Variants in ZNF487 observed in about 807,000 individuals in gnomAD.
The protein encoded by ZNF487 is KRAB domain only 1.
A neutral mutation model predicts 3.0 loss-of-function variants in ZNF487; 4 were observed. The observed-to-expected ratio is 1.35, with a 90% CI of 0.66 to 3.08. The LOEUF (loss-of-function observed/expected upper bound fraction) is 3.08, where lower values mean the gene tolerates loss of function less well. Among genes scored for constraint, ZNF487 ranks in the 30% most tolerant of loss-of-function variants. The pLI is 0.01. For synonymous variants in ZNF487, 55 were observed against 34.6 expected, an observed-to-expected ratio of 1.59 and a Z score of -2.06; for missense variants, 146 against 98.7, an observed-to-expected ratio of 1.48 and a Z score of -2.03.
rs546605168 is a variant in ZNF487 at position 43,447,877 on chromosome 10, A to G, written c.-94+10615A>G. Among the ~76,000 whole-genome samples, 3 of 151,854 alleles carry G rather than the reference A, an allele frequency of 2.0e-5. No individual in the cohort carries two copies. The East Asian group carries it at 5.8e-4, about 29-fold the overall frequency. On this transcript the variant is annotated intron_variant, in intron 1 of 3. Transcript: ENST00000437590. ...GTTATTTTTCCTTGTAGCACATTCTACAAACTACTCAAGTCAGTTAGCTGG... is the reference window on the plus strand; with the variant it reads ...GTTATTTTTCCTTGTAGCACATTCTGCAAACTACTCAAGTCAGTTAGCTGG...
At chr10:43,463,720 T>TTC (rs1564420963) in intron 1 of ZNF487, among the ~76,000 whole-genome samples, 2 of 148,606 alleles carry the variant, frequency 1.3e-5, no homozygotes, top group African/African-American at 4.9e-5. Flanking sequence ...TTCTTTTTTT[T>TTC]TTTTTTTTAG....
chr10:43,496,132 C>T, the ZNF487 span: 1 of 528,782 alleles, frequency 1.9e-6, no homozygotes, highest in Non-Finnish European at 3.9e-6. Context: ...ACAGCCTCCT[C>T]ATCTCAGTGG....
Position 43,440,745 on chromosome 10 carries a change from CCTAGGGTAACCA to C in ZNF487, c.-94+3486_-94+3497del, listed in dbSNP as rs1204390449. On this transcript the variant is annotated intron_variant, in intron 1 of 3. Transcript: ENST00000437590. The stretch of plus-strand genomic sequence containing the variant: ...TCCGCCTCATGGCTCCCTCCTTTGC[CCTAGGGTAACCA>C]CTGTCTTCAACTTTATGCTTGTCAC... Among the ~76,000 whole-genome samples the C allele has an allele frequency of 8.6e-5, 13 of 151,798 alleles. No homozygotes were observed. In the South Asian group the frequency reaches 2.7e-3, roughly 32 times the overall value.
At chr10:43,504,725 T>TG in the ZNF487 span, among the ~76,000 whole-genome samples, 3 of 151,462 alleles carry the variant, frequency 2.0e-5, no homozygotes, top group South Asian at 2.1e-4. Context: ...TTGTTGTTGT[T>TG]TTTTTTTTGG....
At chr10:43,518,850 T>A in the ZNF487 span, among the ~76,000 whole-genome samples, 1 of 152,206 alleles carries the variant, frequency 6.6e-6, no homozygotes, top group African/African-American at 2.4e-5. Flanking sequence ...ATTTTATCAC[T>A]TTCTCACTTG....
At position 43,443,675 on chromosome 10, in the gene ZNF487, G is replaced by A. The variant is rs772463992; in HGVS notation, c.-94+6413G>A. On this transcript the variant is annotated intron_variant, in intron 1 of 3. Transcript: ENST00000437590. ...AGGAGTGAGCCACCATGCCCGGCCC[G>A]TTTTTTTTGTTTTAATCAATTTTTT... is the stretch of plus-strand genomic sequence containing the variant. Among the ~76,000 whole-genome samples, 14 of 149,610 alleles carry A rather than the reference G, an allele frequency of 9.4e-5. No individual in the cohort carries two copies. In the East Asian group the frequency reaches 2.4e-3, roughly 26 times the overall value.
At chr10:43,492,560 T>G in the ZNF487 span, among the ~76,000 whole-genome samples, 1 of 151,874 alleles carries the variant, frequency 6.6e-6, no homozygotes, top group African/African-American at 2.4e-5. Flanking sequence ...CACGCCATTC[T>G]CCTGCCTCAG....
At chr10:43,511,093 C>T in the ZNF487 span, among the ~76,000 whole-genome samples, 1 of 152,140 alleles carries the variant, frequency 6.6e-6, no homozygotes, top group Non-Finnish European at 1.5e-5. Flanking sequence ...TTCCTGGACC[C>T]ATGAATCCTG....
the ZNF487 span, among the ~76,000 whole-genome samples, chr10:43,498,099 A>ATATATATATATATTTTTT: frequency 5.0e-5 from 1 of 20,188 alleles, no homozygotes; most frequent in Non-Finnish European, 7.3e-5. Context: ...ATATATATAT[A>ATATATATATATATTTTTT]TTTTTTTTTT....
the ZNF487 span, among the ~76,000 whole-genome samples, chr10:43,522,674 CA>C: frequency 6.6e-6 from 1 of 152,004 alleles, no homozygotes; most frequent in Non-Finnish European, 1.5e-5. Context: ...GTGGAGGTTG[CA>C]ATGAGCCAAG....
At chr10:43,519,474 T>G in the ZNF487 span, among the ~76,000 whole-genome samples, 1 of 151,694 alleles carries the variant, frequency 6.6e-6, no homozygotes, top group Admixed American at 6.6e-5. Context: ...TGTAAGTTTT[T>G]TTTTTTTTTT....
Position 43,482,096 on chromosome 10 carries a change from C to A in ZNF487, c.*174C>A. ...GAGATGAAATACTATGAGTGTAATGCGAGTGAGAATAGTTTTGGCAAGAAA... is the reference window on the plus strand; with the variant it reads ...GAGATGAAATACTATGAGTGTAATGAGAGTGAGAATAGTTTTGGCAAGAAA... On this transcript the variant is annotated 3_prime_UTR_variant, in exon 4 of 4. Transcript: ENST00000437590. 1 of 572,294 alleles carries A rather than the reference C, an allele frequency of 1.7e-6. No homozygotes were observed. The highest frequency in any genetic ancestry group is 3.1e-6 in the Non-Finnish European group (1 of 325,616). The allele number at this position is 572,294 out of a possible 1,614,324, so 35.5% of individuals were successfully genotyped here. A position where few individuals can be genotyped will look rare whatever the true frequency, so the allele number is the denominator to read the frequency against.
the ZNF487 span, among the ~76,000 whole-genome samples, chr10:43,510,368 T>C: frequency 6.6e-6 from 1 of 152,190 alleles, no homozygotes; most frequent in Admixed American, 6.5e-5. Context: ...TAGTCCTGGC[T>C]GGATTGGGCT....
At chr10:43,512,360 T>C in the ZNF487 span, among the ~76,000 whole-genome samples, 15 of 152,116 alleles carry the variant, frequency 9.9e-5, no homozygotes, top group African/African-American at 3.6e-4. Context: ...TGATCACATA[T>C]ATGCCACTTC....
At chr10:43,516,539 A>G in the ZNF487 span, among the ~76,000 whole-genome samples, 4 of 152,170 alleles carry the variant, frequency 2.6e-5, no homozygotes, top group Non-Finnish European at 5.9e-5. Context: ...CATCATCACG[A>G]GGTCCCACAA....
intron 1 of ZNF487, among the ~76,000 whole-genome samples, chr10:43,446,209 G>A (rs533508211): frequency 6.6e-6 from 1 of 152,076 alleles, no homozygotes; most frequent in Non-Finnish European, 1.5e-5. Context: ...TCCCAGACGG[G>A]GTGGTGGCCG....
At chr10:43,517,906 T>C in the ZNF487 span, among the ~76,000 whole-genome samples, 1 of 152,186 alleles carries the variant, frequency 6.6e-6, no homozygotes, top group Non-Finnish European at 1.5e-5. Flanking sequence ...TTCTAGACTA[T>C]ACATGCTGGA....
intron 1 of ZNF487, among the ~76,000 whole-genome samples, chr10:43,474,187 C>T (rs1021802009): frequency 2.7e-5 from 4 of 147,302 alleles, no homozygotes; most frequent in East Asian, 2.0e-4. Context: ...GGGCTGGGTG[C>T]GGTGTGGCTC....
chr10:43,510,505 A>G, the ZNF487 span, among the ~76,000 whole-genome samples: 2 of 152,098 alleles, frequency 1.3e-5, no homozygotes, highest in African/African-American at 4.8e-5. Flanking sequence ...TTCCATCTTG[A>G]TAATCCGGGA....
Sources: allele counts gnomAD v4.1 joint callset (sites outside exome capture counted in the v4.1 genomes callset), GRCh38; gene constraint gnomAD v4.1.1; transcripts MANE v1.5; gene names NCBI Gene and HGNC (gene_info 2026-07-23, HGNC 2026-07-21).